The following GRXCR1 variants were observed in gnomAD, a reference collection of about 807,000 sequenced individuals.
The protein encoded by GRXCR1 is glutaredoxin and cysteine rich domain containing 1.
GRXCR1 carries 27 observed loss-of-function variants against 27.3 expected under a neutral mutation model. The observed-to-expected ratio is 0.99, with a 90% confidence interval of 0.73 to 1.37. The LOEUF is 1.37. Ranked by LOEUF, GRXCR1 falls within the 40% of genes most tolerant of loss-of-function variation. The pLI is 0.00. For synonymous variants in GRXCR1, 122 were observed against 131.1 expected, an observed-to-expected ratio of 0.93 and a Z score of 0.47; for missense variants, 379 against 354.4, an observed-to-expected ratio of 1.07 and a Z score of -0.56.
chr4:42,905,607 G>A (rs896630279), intron 1 of GRXCR1, among the ~76,000 whole-genome samples: 1 of 152,164 alleles, frequency 6.6e-6, no homozygotes. Flanking sequence ...TTCTTGGCTT[G>A]TTGGTTGATG....
chr4:43,001,234 A>G (rs1473722013), intron 2 of GRXCR1, among the ~76,000 whole-genome samples: 1 of 152,114 alleles, frequency 6.6e-6, no homozygotes, highest in African/African-American at 2.4e-5. Context: ...AAAATATAAA[A>G]TATACTTTTA....
At chr4:43,010,542 C>G (rs1712714571) in intron 2 of GRXCR1, among the ~76,000 whole-genome samples, 1 of 151,808 alleles carries the variant, frequency 6.6e-6, no homozygotes. Context: ...AATGCTATGC[C>G]CAGATGAATT....
chr4:42,932,601 TATATATATATATATATATAGAGAGAGAG>T (rs1420388913), intron 1 of GRXCR1, among the ~76,000 whole-genome samples: 16 of 59,162 alleles, frequency 2.7e-4, no homozygotes, highest in South Asian at 7.1e-4. Context: ...TATATATATA[TATATATATATATATATATAGAGAGAGAG>T]AGAGAGAGAG....
At chr4:42,954,164 C>G (rs548498377) in intron 1 of GRXCR1, among the ~76,000 whole-genome samples, 1 of 152,018 alleles carries the variant, frequency 6.6e-6, no homozygotes, top group South Asian at 2.1e-4. Context: ...AGATAGTGAA[C>G]CAGTTAGTAT....
intron 2 of GRXCR1, among the ~76,000 whole-genome samples, chr4:43,012,974 A>G (rs1431455932): frequency 6.6e-6 from 1 of 152,182 alleles, no homozygotes; most frequent in African/African-American, 2.4e-5. Context: ...TCAGAGCACA[A>G]TGAGATAACA....
At chr4:42,962,682 G>GA (rs1482925573) in intron 1 of GRXCR1, among the ~76,000 whole-genome samples, 1 of 151,788 alleles carries the variant, frequency 6.6e-6, no homozygotes, top group Non-Finnish European at 1.5e-5. Context: ...CTGAGAAAAG[G>GA]AAAAAAATTA....
intron 2 of GRXCR1, among the ~76,000 whole-genome samples, chr4:43,016,102 T>C (rs190970753): frequency 2.0e-5 from 3 of 152,352 alleles, no homozygotes; most frequent in African/African-American, 4.8e-5. Context: ...GTATGCTAAA[T>C]ACAAGCTGAT....
intron 1 of GRXCR1, 132 bp from the exon 2 acceptor site, chr4:42,962,760 A>G: frequency 1.1e-6 from 1 of 924,216 alleles, no homozygotes; most frequent in Non-Finnish European, 1.8e-6. Context: ...TTAAAAAGGT[A>G]AGTCTTTGAA....
intron 1 of GRXCR1, among the ~76,000 whole-genome samples, chr4:42,958,400 C>T (rs1298825784): frequency 6.6e-6 from 1 of 151,912 alleles, no homozygotes; most frequent in Admixed American, 6.6e-5. Flanking sequence ...TATCCTATAC[C>T]ACATATTCAA....
intron 1 of GRXCR1, among the ~76,000 whole-genome samples, chr4:42,921,886 C>T (rs1560650126): frequency 6.6e-6 from 1 of 152,094 alleles, no homozygotes; most frequent in Non-Finnish European, 1.5e-5. Flanking sequence ...TCCTTTTCCT[C>T]ATCCTCCTCC....
chr4:43,022,913 A>C lies in GRXCR1; in HGVS notation c.693+2494A>C, dbSNP rs573147905. On this transcript the variant is annotated intron_variant, in intron 3 of 3. Coordinates refer to ENST00000399770, the MANE Select transcript of GRXCR1 (RefSeq NM_001080476.3). Reference sequence around the variant, plus strand: ...TGAAAGCTCACAACTCTGCTAAATGAGTTCTCTTATTATCCCCACTTTACT... The same window carrying C: ...TGAAAGCTCACAACTCTGCTAAATGCGTTCTCTTATTATCCCCACTTTACT... 3.9e-4 allele frequency among the ~76,000 whole-genome samples: 60 copies of C among 152,324 alleles called. 1 individual carries two copies. The highest frequency in any genetic ancestry group is 2.8e-3 in the Admixed American group (43 of 15,290).
chr4:42,950,803 C>T (rs1436886366), intron 1 of GRXCR1, among the ~76,000 whole-genome samples: 1 of 152,142 alleles, frequency 6.6e-6, no homozygotes, highest in African/African-American at 2.4e-5. Flanking sequence ...ATTCATACCA[C>T]TACTATATTA....
At chr4:42,899,676 C>G (rs1056648744) in intron 1 of GRXCR1, among the ~76,000 whole-genome samples, 1 of 152,108 alleles carries the variant, frequency 6.6e-6, no homozygotes, top group Admixed American at 6.6e-5. Context: ...CTGCAAATCT[C>G]TAGAAGTGAA....
At chr4:42,961,136 T>G (rs1481057024) in intron 1 of GRXCR1, among the ~76,000 whole-genome samples, 1 of 151,950 alleles carries the variant, frequency 6.6e-6, no homozygotes, top group Admixed American at 6.6e-5. Flanking sequence ...TTGCTGAGGA[T>G]AACGGCTTTC....
chr4:42,998,936 G>A (rs892396877), intron 2 of GRXCR1, among the ~76,000 whole-genome samples: 1 of 152,164 alleles, frequency 6.6e-6, no homozygotes, highest in Admixed American at 6.5e-5. Flanking sequence ...TTGGTGACTT[G>A]ATGTCCGGTA....
intron 1 of GRXCR1, among the ~76,000 whole-genome samples, chr4:42,934,826 A>G (rs1042651812): frequency 3.9e-5 from 6 of 151,992 alleles, no homozygotes; most frequent in Non-Finnish European, 7.4e-5. Flanking sequence ...TGACGAGGCC[A>G]TGTCAATGAG....
intron 1 of GRXCR1, among the ~76,000 whole-genome samples, chr4:42,937,517 G>A (rs1460829987): frequency 6.6e-6 from 1 of 151,704 alleles, no homozygotes; most frequent in Non-Finnish European, 1.5e-5. Flanking sequence ...AATATATGTG[G>A]GTATGCTATC....
rs550767201 is a variant in GRXCR1 at position 43,023,087 on chromosome 4, G to A, written c.693+2668G>A. 2.0e-4 allele frequency among the ~76,000 whole-genome samples: 30 copies of A among 152,294 alleles called. 3 individuals carry two copies. Among genetic ancestry groups the A allele is most frequent in the South Asian group, 1.7e-3 (8 of 4,826 alleles). On this transcript the variant is annotated intron_variant, in intron 3 of 3. Coordinates refer to ENST00000399770, the MANE Select transcript of GRXCR1 (RefSeq NM_001080476.3). ...TATGCTGCCATGACTCTCAAATTAA[G>A]TGGCATGTAGGTATCTAGGAAATCT... is the stretch of plus-strand genomic sequence containing the variant.
chr4:43,016,220 T>C lies in GRXCR1; in HGVS notation c.628-4134T>C, dbSNP rs576797984. 2.6e-5 allele frequency among the ~76,000 whole-genome samples: 4 copies of C among 152,348 alleles called. No individual in the cohort carries two copies. In the East Asian group the frequency reaches 5.8e-4, roughly 22 times the overall value. ...TCCAGGGCATCAACCCAAACTGCTA[T>C]GCAGAGACTCTGCTAGGATGTTTTA... On this transcript the variant is annotated intron_variant, in intron 2 of 3. Transcript: ENST00000399770.
Sources: gnomAD v4.1 joint callset for allele counts (sites outside exome capture counted in the v4.1 genomes callset) on GRCh38, gnomAD v4.1.1 for gene constraint, MANE v1.5 for transcripts, NCBI Gene and HGNC (gene_info 2026-07-23, HGNC 2026-07-21) for gene names.